The following HDDC2 variants were observed in gnomAD, a reference collection of about 807,000 sequenced individuals.
HDDC2 encodes 5'-deoxynucleotidase HDDC2.
HDDC2 carries 25 observed loss-of-function variants against 25.5 expected under a neutral mutation model. That is an observed-to-expected ratio of 0.98 (90% CI 0.72 to 1.37). HDDC2 has a LOEUF of 1.37. HDDC2 is among the 40% of genes most tolerant of loss of function. HDDC2 has a pLI of 0.00. For synonymous variants in HDDC2, 106 were observed against 89.7 expected (o/e 1.18, Z -1.03); for missense variants, 264 against 253.1 (o/e 1.04, Z -0.29).
In HDDC2 at chr6:125,301,812, C is replaced by A. The variant is rs562800426; in HGVS notation, c.84+37G>T. Reference sequence around the variant, plus strand: ...AGCTCCGCCGCCCCACAGTCCCGCCCGCTCGGCCGCGGCCTCCCGGCCTGG... The same window carrying A: ...AGCTCCGCCGCCCCACAGTCCCGCCAGCTCGGCCGCGGCCTCCCGGCCTGG... On this transcript the variant is annotated intron_variant, in intron 1 of 5. Transcript: ENST00000398153. 1.3e-4 allele frequency: 196 copies of A among 1,491,544 alleles called. 3 individuals carry two copies. The South Asian group carries it at 2.3e-3, about 18-fold the overall frequency. The allele number at this position is 1,491,544 out of a possible 1,614,324, so 92.4% of individuals were successfully genotyped here. A position where few individuals can be genotyped will look rare whatever the true frequency, so the allele number is the denominator to read the frequency against.
chr6:125,280,756 A>G (rs1166238917), intron 4 of HDDC2, among the ~76,000 whole-genome samples: 2 of 152,254 alleles, frequency 1.3e-5, no homozygotes, highest in Non-Finnish European at 2.9e-5. Flanking sequence ...CTTGAGACAG[A>G]GCACCTGAGG....
chr6:125,299,897 C>T (rs895437738), intron 2 of HDDC2, among the ~76,000 whole-genome samples: 1 of 152,150 alleles, frequency 6.6e-6, no homozygotes, highest in Non-Finnish European at 1.5e-5. Flanking sequence ...CTACGTTAAC[C>T]CTTTTGAGCT....
At chr6:125,293,294 T>C (rs62432875) in intron 3 of HDDC2, 6,836 of 249,470 alleles carry the variant, frequency 0.027, 225 homozygotes, top group African/African-American at 0.084. Context: ...AAAACAAACC[T>C]GAGTGGGGAG....
chr6:125,293,010 C>T (rs771724242), intron 3 of HDDC2, 101 bp from the exon 4 acceptor site: 8 of 921,332 alleles, frequency 8.7e-6, no homozygotes, highest in Non-Finnish European at 1.1e-5. Flanking sequence ...AAACAACTCT[C>T]ACAGGGGCAG....
intron 4 of HDDC2, among the ~76,000 whole-genome samples, chr6:125,288,615 A>G (rs1403547019): frequency 2.0e-5 from 3 of 152,060 alleles, no homozygotes; most frequent in Non-Finnish European, 2.9e-5. Context: ...ATCTACAATG[A>G]ACTCAAACAA....
intron 4 of HDDC2, among the ~76,000 whole-genome samples, chr6:125,290,883 A>T (rs1321677509): frequency 6.6e-6 from 1 of 152,234 alleles, no homozygotes; most frequent in African/African-American, 2.4e-5. Context: ...AAGCCGTTCT[A>T]AATAGCTTTT....
intron 3 of HDDC2, among the ~76,000 whole-genome samples, chr6:125,295,014 T>C (rs767727573): frequency 6.6e-6 from 1 of 152,248 alleles, no homozygotes; most frequent in African/African-American, 2.4e-5. Flanking sequence ...AATAGCATTT[T>C]TGAAACCTTG....
chr6:125,289,828 C>T (rs1798604922), intron 4 of HDDC2, among the ~76,000 whole-genome samples: 1 of 152,212 alleles, frequency 6.6e-6, no homozygotes, highest in African/African-American at 2.4e-5. Flanking sequence ...GTGTACTAGG[C>T]ATTTCACATG....
chr6:125,292,764 C>T (rs1166468267), intron 4 of HDDC2, 77 bp downstream of exon 4: 1 of 1,105,330 alleles, frequency 9.0e-7, no homozygotes, highest in Non-Finnish European at 1.4e-6. Flanking sequence ...TTAAGATCAT[C>T]TAAGTCAAGT....
chr6:125,280,323 A>G (rs1019558667), intron 4 of HDDC2, among the ~76,000 whole-genome samples: 19 of 152,176 alleles, frequency 1.2e-4, no homozygotes, highest in African/African-American at 4.3e-4. Context: ...CCGTTTGGGC[A>G]GACACCGAGC....
intron 3 of HDDC2, among the ~76,000 whole-genome samples, chr6:125,294,580 G>C (rs992562496): frequency 6.6e-6 from 1 of 152,122 alleles, no homozygotes; most frequent in African/African-American, 2.4e-5. Flanking sequence ...AGAAACACAA[G>C]TTTGCCAATT....
chr6:125,285,183 A>T (rs1798512688), intron 4 of HDDC2, among the ~76,000 whole-genome samples: 1 of 148,964 alleles, frequency 6.7e-6, no homozygotes, highest in South Asian at 2.2e-4. Context: ...GGGCAAGGGG[A>T]GGGATAGCAT....
intron 3 of HDDC2, among the ~76,000 whole-genome samples, chr6:125,295,115 G>A (rs1027434667): frequency 6.6e-6 from 1 of 152,134 alleles, no homozygotes; most frequent in Non-Finnish European, 1.5e-5. Flanking sequence ...GAGGTCCAGG[G>A]TACACAGCTG....
At chr6:125,301,527 C>A (rs1160597536) in intron 1 of HDDC2, among the ~76,000 whole-genome samples, 1 of 144,492 alleles carries the variant, frequency 6.9e-6, no homozygotes, top group African/African-American at 2.8e-5. Context: ...GGTCGTGAGC[C>A]CCGGAAAAGC....
At chr6:125,293,202 T>C in intron 3 of HDDC2, 1 of 457,752 alleles carries the variant, frequency 2.2e-6, no homozygotes, top group South Asian at 2.1e-5. Flanking sequence ...TACAGAAATA[T>C]CAGAGGTGTT....
At chr6:125,283,737 G>A (rs1336120559) in intron 4 of HDDC2, among the ~76,000 whole-genome samples, 2 of 152,112 alleles carry the variant, frequency 1.3e-5, no homozygotes, top group Non-Finnish European at 2.9e-5. Flanking sequence ...TGGCCATACT[G>A]CCCAAAGTAA....
intron 4 of HDDC2, among the ~76,000 whole-genome samples, chr6:125,283,036 A>G (rs917071313): frequency 2.0e-5 from 3 of 152,370 alleles, no homozygotes; most frequent in Non-Finnish European, 4.4e-5. Flanking sequence ...AACATAATCC[A>G]TCACATAAAC....
At position 125,277,096 on chromosome 6, in the gene HDDC2, G is replaced by A; in HGVS notation, c.517+6C>T. The A allele has an allele frequency of 1.2e-6, 2 of 1,613,708 alleles. No homozygotes were observed. The highest frequency in any genetic ancestry group is 1.7e-6 in the Non-Finnish European group (2 of 1,179,764). On this transcript the variant is annotated splice_donor_region_variant and intron_variant, in intron 5 of 5. Coordinates refer to ENST00000398153, the MANE Select transcript of HDDC2 (RefSeq NM_016063.3). ...ATGGACTCTTGTTGAAAATGGTGTT[G>A]AGTACCTGCTGTGGAATCATAGAAG... is the stretch of plus-strand genomic sequence containing the variant.
intron 3 of HDDC2, among the ~76,000 whole-genome samples, chr6:125,293,942 G>A (rs1583054600): frequency 6.6e-6 from 1 of 152,218 alleles, no homozygotes; most frequent in Non-Finnish European, 1.5e-5. Flanking sequence ...TAAGAGTAGA[G>A]GGTGTCCTGT....
Sources: gnomAD v4.1 joint callset for allele counts (sites outside exome capture counted in the v4.1 genomes callset) on GRCh38, gnomAD v4.1.1 for gene constraint, MANE v1.5 for transcripts, NCBI Gene and HGNC (gene_info 2026-07-23, HGNC 2026-07-21) for gene names.